Variants in MAGI2 observed in about 807,000 individuals in gnomAD.
The protein encoded by MAGI2 is membrane-associated guanylate kinase, WW and PDZ domain-containing protein 2.
A neutral mutation model predicts 133.3 loss-of-function variants in MAGI2; 35 were observed. The ratio of observed to expected loss-of-function variants is 0.26; its 90% CI spans 0.20 to 0.35. The LOEUF is 0.35. Ranked by LOEUF, MAGI2 falls within the 10% of genes least tolerant of loss-of-function variation. The pLI is 1.00. For synonymous variants in MAGI2, 729 were observed against 710.6 expected (o/e 1.03, Z -0.41); for missense variants, 1,636 against 1,863.4 (o/e 0.88, Z 2.25).
At chr7:78,984,003 C>A (rs1805017953) in intron 2 of MAGI2, among the ~76,000 whole-genome samples, 1 of 151,972 alleles carries the variant, frequency 6.6e-6, no homozygotes, top group Admixed American at 6.6e-5. Context: ...AGAGGCAACT[C>A]AAATTTAATA....
At chr7:79,123,848 G>T (rs545744110) in intron 1 of MAGI2, among the ~76,000 whole-genome samples, 2 of 147,756 alleles carry the variant, frequency 1.4e-5, no homozygotes, top group African/African-American at 2.5e-5. Flanking sequence ...CATCTGTAAC[G>T]TGGTATCTAT....
At position 78,160,291 on chromosome 7, in the gene MAGI2, C is replaced by T; in HGVS notation, c.2597-18G>A. ...GGGCTCCCCTGCAAAATATACCACA[C>T]ACAGGTAATCAATTACCTTACAAGG... On this transcript the variant is annotated intron_variant, in intron 15 of 21. Coordinates refer to ENST00000354212, the MANE Select transcript of MAGI2 (RefSeq NM_012301.4). 1.3e-6 allele frequency: 2 copies of T among 1,554,386 alleles called. No individual in the cohort carries two copies. The highest frequency in any genetic ancestry group is 1.7e-6 in the Non-Finnish European group (2 of 1,148,044).
intron 9 of MAGI2, among the ~76,000 whole-genome samples, chr7:78,339,374 GA>G (rs199886226): frequency 0.037 from 5,595 of 152,262 alleles, 154 homozygotes; most frequent in South Asian, 0.13. Context: ...CTTTGTGGTT[GA>G]ATAAAGCTAA....
At chr7:78,415,687 TC>T (rs1486271731) in intron 6 of MAGI2, among the ~76,000 whole-genome samples, 9 of 152,056 alleles carry the variant, frequency 5.9e-5, no homozygotes, top group African/African-American at 2.2e-4. Context: ...ATCCTCAGCT[TC>T]ACACAGAAGA....
rs559393712 is a variant in MAGI2 at position 79,177,591 on chromosome 7, G to A, written c.302-170385C>T. ...TTGCAATTCAACTTAAAATTATTTT[G>A]CTGAGCATTTTCTATGCACTCAGCA... On this transcript the variant is annotated intron_variant, in intron 1 of 21. Transcript: ENST00000354212. Among the ~76,000 whole-genome samples, 258 of 151,996 alleles carry A rather than the reference G, an allele frequency of 1.7e-3. 2 individuals carry two copies. The highest frequency in any genetic ancestry group is 5.7e-3 in the African/African-American group (234 of 41,402).
At chr7:78,173,859 T>G (rs1217482386) in intron 14 of MAGI2, among the ~76,000 whole-genome samples, 1 of 152,200 alleles carries the variant, frequency 6.6e-6, no homozygotes, top group East Asian at 1.9e-4. Context: ...CATTGCTTAG[T>G]TCCAGCCAGT....
At chr7:78,684,742 ATT>A (rs112176858) in intron 2 of MAGI2, among the ~76,000 whole-genome samples, 1 of 151,660 alleles carries the variant, frequency 6.6e-6, no homozygotes, top group East Asian at 1.9e-4. Flanking sequence ...AAAAAAAAGC[ATT>A]TTTTTTCTCC....
chr7:78,570,384 G>A (rs189652606), intron 3 of MAGI2, among the ~76,000 whole-genome samples: 305 of 152,226 alleles, frequency 2.0e-3, no homozygotes, highest in African/African-American at 7.0e-3. Flanking sequence ...CTAAAGTAGC[G>A]TGGGGAACAT....
chr7:79,120,079 G>T (rs1193018126), intron 1 of MAGI2, among the ~76,000 whole-genome samples: 1 of 151,988 alleles, frequency 6.6e-6, no homozygotes, highest in Non-Finnish European at 1.5e-5. Context: ...TGTGCTAACA[G>T]GTGCATAGAA....
chr7:78,296,010 A>G (rs984354552), intron 9 of MAGI2, among the ~76,000 whole-genome samples: 2 of 151,902 alleles, frequency 1.3e-5, no homozygotes, highest in Non-Finnish European at 2.9e-5. Context: ...TCTATGTCTC[A>G]CCTTTGCCAT....
At chr7:78,236,026 T>G (rs919376041) in intron 10 of MAGI2, among the ~76,000 whole-genome samples, 27 of 135,316 alleles carry the variant, frequency 2.0e-4, no homozygotes, top group African/African-American at 6.6e-4. Context: ...TAAGACTGTA[T>G]GTTTTTTTTT....
At chr7:78,581,561 A>G (rs1802840117) in intron 3 of MAGI2, among the ~76,000 whole-genome samples, 1 of 152,160 alleles carries the variant, frequency 6.6e-6, no homozygotes, top group Admixed American at 6.5e-5. Context: ...AAAATCACAC[A>G]CTACTTGAAA....
chr7:78,397,761 A>G (rs964175183), intron 6 of MAGI2, among the ~76,000 whole-genome samples: 21 of 152,166 alleles, frequency 1.4e-4, no homozygotes, highest in Non-Finnish European at 2.9e-5. Context: ...CTTCACTGCT[A>G]CTTAGGACCA....
At chr7:79,165,385 C>G (rs1051042069) in intron 1 of MAGI2, among the ~76,000 whole-genome samples, 5 of 151,974 alleles carry the variant, frequency 3.3e-5, no homozygotes, top group Admixed American at 6.6e-5. Flanking sequence ...CCAGTTCACA[C>G]TACTCAGCTT....
chr7:78,347,652 T>C (rs1466359033), intron 7 of MAGI2, among the ~76,000 whole-genome samples: 15 of 152,180 alleles, frequency 9.9e-5, no homozygotes, highest in Admixed American at 9.8e-4. Context: ...TCATTTTTCA[T>C]CCATAAGAAA....
chr7:78,343,246 A>G (rs547477342), intron 9 of MAGI2, among the ~76,000 whole-genome samples: 5 of 152,306 alleles, frequency 3.3e-5, no homozygotes, highest in African/African-American at 9.6e-5. Context: ...TTGAGTAGAC[A>G]TCTGAGTAAT....
At chr7:78,565,225 G>T (rs1173899382) in intron 3 of MAGI2, among the ~76,000 whole-genome samples, 1 of 152,066 alleles carries the variant, frequency 6.6e-6, no homozygotes, top group African/African-American at 2.4e-5. Flanking sequence ...TACTCAGGAA[G>T]CTGAGGCAGG....
At chr7:79,020,838 C>T (rs1809256200) in intron 1 of MAGI2, among the ~76,000 whole-genome samples, 1 of 151,830 alleles carries the variant, frequency 6.6e-6, no homozygotes, top group Admixed American at 6.6e-5. Flanking sequence ...GGAAAAATGT[C>T]TCCAGGGCAT....
chr7:79,132,023 C>T (rs1422710486), intron 1 of MAGI2, among the ~76,000 whole-genome samples: 1 of 151,962 alleles, frequency 6.6e-6, no homozygotes, highest in Non-Finnish European at 1.5e-5. Context: ...CAAACCACAA[C>T]AAAGTTACAA....
Sources: gnomAD v4.1 joint callset for allele counts (sites outside exome capture counted in the v4.1 genomes callset) on GRCh38, gnomAD v4.1.1 for gene constraint, MANE v1.5 for transcripts, NCBI Gene and HGNC (gene_info 2026-07-23, HGNC 2026-07-21) for gene names.